The following TSPAN9 variants were observed in gnomAD, a reference collection of about 807,000 sequenced individuals.
TSPAN9 encodes tetraspanin 9, also known as tetraspanin-9.
TSPAN9 carries 16 observed loss-of-function variants against 31.0 expected under a neutral mutation model. That is an observed-to-expected ratio of 0.52 (90% CI 0.35 to 0.78). TSPAN9 has a LOEUF of 0.78. TSPAN9 is among the 30% of genes least tolerant of loss of function. The pLI is 0.01. For missense variants in TSPAN9, 272 were observed against 312.5 expected, an observed-to-expected ratio of 0.87 and a Z score of 0.98; for synonymous variants, 145 against 121.6, an observed-to-expected ratio of 1.19 and a Z score of -1.27.
intron 2 of TSPAN9, among the ~76,000 whole-genome samples, chr12:3,084,968 C>T (rs1188298667): frequency 6.6e-6 from 1 of 152,208 alleles, no homozygotes; most frequent in African/African-American, 2.4e-5. Context: ...CTCCCTGGGG[C>T]CCGGATGGGT....
intron 2 of TSPAN9, among the ~76,000 whole-genome samples, chr12:3,179,782 G>A (rs929712594): frequency 7.2e-5 from 11 of 152,094 alleles, no homozygotes; most frequent in Non-Finnish European, 1.0e-4. Flanking sequence ...TTTTGCAGGC[G>A]AGCATGTTAA....
intron 2 of TSPAN9, among the ~76,000 whole-genome samples, chr12:3,094,538 GTTT>G (rs3062035): frequency 6.3e-5 from 9 of 142,604 alleles, no homozygotes; most frequent in Non-Finnish European, 1.2e-4. Flanking sequence ...TGTTGTTGTT[GTTT>G]TTTTTTTTTT....
chr12:3,162,165 ACT>A (rs1250749540), intron 2 of TSPAN9, among the ~76,000 whole-genome samples: 1 of 151,978 alleles, frequency 6.6e-6, no homozygotes, highest in East Asian at 1.9e-4. Flanking sequence ...ACCTCCCCCC[ACT>A]GTCTTGCTTC....
chr12:3,244,659 C>G (rs1216129840), intron 3 of TSPAN9, among the ~76,000 whole-genome samples: 3 of 152,182 alleles, frequency 2.0e-5, no homozygotes, highest in African/African-American at 7.2e-5. Flanking sequence ...AGATGGCGAT[C>G]CCCCAGCCAC....
chr12:3,248,095 A>G (rs184453319), intron 3 of TSPAN9, among the ~76,000 whole-genome samples: 1 of 152,324 alleles, frequency 6.6e-6, no homozygotes, highest in Admixed American at 6.5e-5. Context: ...CATTTTAATC[A>G]GGGAGCTAAT....
chr12:3,142,574 C>G (rs4765713), intron 2 of TSPAN9, among the ~76,000 whole-genome samples: 120,501 of 152,088 alleles, frequency 0.79, 48,116 homozygotes, highest in South Asian at 0.87. Context: ...TGTGAAAATC[C>G]GATCCGAGGC....
At chr12:3,180,240 G>C (rs140402323) in intron 2 of TSPAN9, among the ~76,000 whole-genome samples, 5 of 152,116 alleles carry the variant, frequency 3.3e-5, no homozygotes, top group African/African-American at 1.2e-4. Context: ...TTCTGGGCTC[G>C]GCACAGTGGC....
intron 3 of TSPAN9, among the ~76,000 whole-genome samples, chr12:3,224,756 G>A (rs1187292947): frequency 6.6e-6 from 1 of 152,252 alleles, no homozygotes; most frequent in African/African-American, 2.4e-5. Context: ...GTCGGGTCTG[G>A]TTTGACGTCA....
intron 2 of TSPAN9, among the ~76,000 whole-genome samples, chr12:3,141,077 A>G (rs1421119174): frequency 6.6e-6 from 1 of 151,782 alleles, no homozygotes; most frequent in East Asian, 1.9e-4. Flanking sequence ...GATTCAGTTG[A>G]CGAGGACCAC....
rs2153973032 is a variant in TSPAN9 at position 3,201,325 on chromosome 12, C to T, written c.63+69C>T. ...TCTTGGCTTACCATAGCGTGAATAC[C>T]CTCTCCCTCTTCTGTGCTGCATTGC... On this transcript the variant is annotated intron_variant, in intron 3 of 8. Transcript: ENST00000011898. 15 of 1,434,110 alleles carry T rather than the reference C, an allele frequency of 1.0e-5. No homozygotes were observed. In the South Asian group the frequency reaches 1.3e-4, roughly 12 times the overall value. 88.8% of individuals were successfully genotyped at this position (1,434,110 alleles called of 1,614,324 possible).
At chr12:3,105,837 TAC>T (rs1403606606) in intron 2 of TSPAN9, among the ~76,000 whole-genome samples, 5 of 111,266 alleles carry the variant, frequency 4.5e-5, no homozygotes, top group South Asian at 2.8e-4. Context: ...CACACTTTCA[TAC>T]ACACGCTCAC....
At chr12:3,145,287 G>A (rs1005884352) in intron 2 of TSPAN9, among the ~76,000 whole-genome samples, 2 of 152,180 alleles carry the variant, frequency 1.3e-5, no homozygotes, top group Non-Finnish European at 2.9e-5. Context: ...CTCCCGTTGT[G>A]TCCTCCCTGA....
At chr12:3,127,516 C>T (rs867866793) in intron 2 of TSPAN9, among the ~76,000 whole-genome samples, 10 of 151,928 alleles carry the variant, frequency 6.6e-5, no homozygotes, top group Admixed American at 5.9e-4. Context: ...CCACGATGCC[C>T]GGCTAATTTT....
intron 2 of TSPAN9, among the ~76,000 whole-genome samples, chr12:3,157,717 C>T (rs1345464327): frequency 6.6e-6 from 1 of 152,206 alleles, no homozygotes; most frequent in Non-Finnish European, 1.5e-5. Context: ...ACCACGGTCC[C>T]AGACCTTGTA....
chr12:3,168,028 A>G lies in TSPAN9; in HGVS notation c.-17-33149A>G, dbSNP rs892099873. ...CAGTTTGGTTTGCAGGCCTTTGTGGATAAAAGCATGTCCTGGGGTCCAGCG... is the reference window on the plus strand; with the variant it reads ...CAGTTTGGTTTGCAGGCCTTTGTGGGTAAAAGCATGTCCTGGGGTCCAGCG... On this transcript the variant is annotated intron_variant, in intron 2 of 8. Transcript: ENST00000011898. This position sits in a 1 kb window ranked among gnomAD's most constrained non-coding sequence, Gnocchi z 4.0. Among the ~76,000 whole-genome samples, 9 of 152,172 alleles carry G rather than the reference A, an allele frequency of 5.9e-5. No individual in the cohort carries two copies. The highest frequency in any genetic ancestry group is 2.2e-4 in the African/African-American group (9 of 41,510).
intron 2 of TSPAN9, among the ~76,000 whole-genome samples, chr12:3,156,991 A>G (rs1031725211): frequency 4.6e-5 from 7 of 152,214 alleles, no homozygotes; most frequent in African/African-American, 1.4e-4. Flanking sequence ...TGATAAGGAC[A>G]GTACCTTTGC....
At chr12:3,159,643 G>A (rs766947547) in intron 2 of TSPAN9, among the ~76,000 whole-genome samples, 1 of 152,172 alleles carries the variant, frequency 6.6e-6, no homozygotes, top group South Asian at 2.1e-4. Flanking sequence ...GAGGCAGGAA[G>A]ACCACTTGAG....
At chr12:3,279,650 T>C (rs193041915) in intron 5 of TSPAN9, among the ~76,000 whole-genome samples, 5 of 152,348 alleles carry the variant, frequency 3.3e-5, no homozygotes, top group Admixed American at 6.5e-5. Flanking sequence ...TTTCAGTCTC[T>C]TGGGGCGTGG....
At chr12:3,094,945 A>G (rs1294275198) in intron 2 of TSPAN9, among the ~76,000 whole-genome samples, 1 of 124,490 alleles carries the variant, frequency 8.0e-6, no homozygotes, top group African/African-American at 3.4e-5. Context: ...TCATGGGACA[A>G]TAGTGGAGGG....
Sources: allele counts gnomAD v4.1 joint callset (sites outside exome capture counted in the v4.1 genomes callset), GRCh38; gene constraint gnomAD v4.1.1; non-coding constraint Gnocchi (gnomAD v3.1); transcripts MANE v1.5; gene names NCBI Gene and HGNC (gene_info 2026-07-23, HGNC 2026-07-21).